Variants in CADM2 observed in about 807,000 individuals in gnomAD.
CADM2 encodes immunoglobulin superfamily member 4D.
Under a neutral mutation model 49.8 loss-of-function variants are expected in CADM2, and 12 were observed. That is an observed-to-expected ratio of 0.24 (90% CI 0.15 to 0.39). The LOEUF (loss-of-function observed/expected upper bound fraction) is 0.39. Ranked by LOEUF, CADM2 falls within the 10% of genes least tolerant of loss-of-function variation. The probability of loss-of-function intolerance (pLI) is 1.00; values close to 1 mark genes in which losing one functional copy is unlikely to be tolerated. For synonymous variants in CADM2, 214 were observed against 175.4 expected (o/e 1.22, Z -1.74); for missense variants, 378 against 492.3 (o/e 0.77, Z 2.20).
At chr3:85,968,943 C>A (rs981942643) in intron 8 of CADM2, among the ~76,000 whole-genome samples, 2 of 151,590 alleles carry the variant, frequency 1.3e-5, no homozygotes, top group Non-Finnish European at 3.0e-5. Flanking sequence ...AACATATATA[C>A]TTGTTTCGGA....
chr3:85,488,830 A>G (rs1271263227), intron 1 of CADM2, among the ~76,000 whole-genome samples: 1 of 152,040 alleles, frequency 6.6e-6, no homozygotes, highest in Non-Finnish European at 1.5e-5. Context: ...TGCCTGGCCT[A>G]TTTATTCTAT....
At chr3:85,265,312 T>G (rs2043099588) in intron 1 of CADM2, among the ~76,000 whole-genome samples, 1 of 152,016 alleles carries the variant, frequency 6.6e-6, no homozygotes, top group African/African-American at 2.4e-5. Context: ...TTTTTTTGTG[T>G]TAGTATTTTT....
At chr3:85,680,350 G>T (rs956293270) in intron 1 of CADM2, among the ~76,000 whole-genome samples, 1 of 151,976 alleles carries the variant, frequency 6.6e-6, no homozygotes, top group Admixed American at 6.6e-5. Flanking sequence ...AAAAGATAAA[G>T]GGCTGATCTT....
intron 2 of CADM2, among the ~76,000 whole-genome samples, chr3:85,728,053 A>ATT (rs2067775757): frequency 6.6e-6 from 1 of 152,126 alleles, no homozygotes; most frequent in Admixed American, 6.6e-5. Context: ...CTAGTAATCA[A>ATT]TTACTCTCCA....
intron 1 of CADM2, among the ~76,000 whole-genome samples, chr3:85,648,836 A>C (rs2064964007): frequency 6.6e-6 from 1 of 152,048 alleles, no homozygotes; most frequent in Admixed American, 6.5e-5. Flanking sequence ...CATGGAAATG[A>C]ATCATCTGTC....
At chr3:85,715,519 A>G (rs1340971701) in intron 1 of CADM2, among the ~76,000 whole-genome samples, 1 of 152,138 alleles carries the variant, frequency 6.6e-6, no homozygotes. Context: ...TTTGTTTTTA[A>G]TTATACTTTA....
intron 2 of CADM2, among the ~76,000 whole-genome samples, chr3:85,762,380 G>C (rs2069433606): frequency 6.6e-6 from 1 of 151,904 alleles, no homozygotes; most frequent in Non-Finnish European, 1.5e-5. Flanking sequence ...AACATTTACT[G>C]GAATCAACAT....
intron 1 of CADM2, among the ~76,000 whole-genome samples, chr3:85,043,490 G>A (rs1337672583): frequency 6.6e-6 from 1 of 151,566 alleles, no homozygotes; most frequent in Admixed American, 6.6e-5. Flanking sequence ...GACCAACATG[G>A]GCAACTTCGT....
intron 8 of CADM2, among the ~76,000 whole-genome samples, chr3:86,005,184 A>G (rs773258893): frequency 6.6e-6 from 1 of 152,176 alleles, no homozygotes; most frequent in Non-Finnish European, 1.5e-5. Context: ...AATAATGCTT[A>G]GTTCAGTACC....
At chr3:86,006,875 T>C (rs1730858506) in intron 8 of CADM2, among the ~76,000 whole-genome samples, 1 of 151,932 alleles carries the variant, frequency 6.6e-6, no homozygotes, top group African/African-American at 2.4e-5. Flanking sequence ...ACCCCATCTC[T>C]ACTTAAAATA....
At chr3:85,519,670 T>C (rs1393538470) in intron 1 of CADM2, among the ~76,000 whole-genome samples, 1 of 152,132 alleles carries the variant, frequency 6.6e-6, no homozygotes, top group Non-Finnish European at 1.5e-5. Context: ...AGTAAAGTTC[T>C]AAGAAGAGCT....
intron 3 of CADM2, among the ~76,000 whole-genome samples, chr3:85,853,669 T>G (rs1055548483): frequency 2.0e-5 from 3 of 147,188 alleles, no homozygotes. Flanking sequence ...GAAACTTCCA[T>G]GAGATGAAAA....
At chr3:85,289,291 A>G (rs2043714993) in intron 1 of CADM2, among the ~76,000 whole-genome samples, 1 of 152,192 alleles carries the variant, frequency 6.6e-6, no homozygotes, top group Admixed American at 6.5e-5. Flanking sequence ...ATTTTCTTTT[A>G]ATACTACCAA....
chr3:85,601,986 A>G (rs34495106), intron 1 of CADM2, among the ~76,000 whole-genome samples: 77,857 of 151,596 alleles, frequency 0.51, 23,027 homozygotes, highest in East Asian at 0.85. Context: ...AATCAAATTA[A>G]AACTGTCAGC....
intron 1 of CADM2, among the ~76,000 whole-genome samples, chr3:85,623,937 A>G (rs944717281): frequency 1.3e-5 from 2 of 152,088 alleles, no homozygotes; most frequent in Admixed American, 1.3e-4. Context: ...TGTTAAGGAT[A>G]TTGCTTTATT....
At chr3:85,237,499 A>G (rs928803938) in intron 1 of CADM2, among the ~76,000 whole-genome samples, 3 of 151,504 alleles carry the variant, frequency 2.0e-5, no homozygotes, top group African/African-American at 7.3e-5. Context: ...ATTTCCAAAA[A>G]CTTGATAAGT....
At chr3:85,191,080 A>G (rs907327898) in intron 1 of CADM2, among the ~76,000 whole-genome samples, 4 of 152,088 alleles carry the variant, frequency 2.6e-5, no homozygotes, top group African/African-American at 9.7e-5. Context: ...TTGGCAAAAT[A>G]TATTAAATAA....
chr3:85,363,697 C>T (rs1341370148), intron 1 of CADM2, among the ~76,000 whole-genome samples: 3 of 152,300 alleles, frequency 2.0e-5, no homozygotes, highest in South Asian at 2.1e-4. Flanking sequence ...CTGCAAGCTC[C>T]GCCTTCTGGA....
At chr3:85,738,281 C>T (rs1047709578) in intron 2 of CADM2, among the ~76,000 whole-genome samples, 3 of 152,182 alleles carry the variant, frequency 2.0e-5, no homozygotes, top group African/African-American at 7.2e-5. Flanking sequence ...AAGATAGATG[C>T]TCCTATGTAA....
Sources: gnomAD v4.1 joint callset for allele counts (sites outside exome capture counted in the v4.1 genomes callset) on GRCh38, gnomAD v4.1.1 for gene constraint, MANE v1.5 for transcripts, NCBI Gene and HGNC (gene_info 2026-07-23, HGNC 2026-07-21) for gene names.